The following MINK1 variants were observed in gnomAD, a reference collection of about 807,000 sequenced individuals.
The protein encoded by MINK1 is misshapen like kinase 1.
A neutral mutation model predicts 178.4 loss-of-function variants in MINK1; 46 were observed. The ratio of observed to expected loss-of-function variants is 0.26; its 90% confidence interval spans 0.20 to 0.33. The LOEUF (loss-of-function observed/expected upper bound fraction) is 0.33. Ranked by LOEUF, MINK1 falls within the 10% of genes least tolerant of loss-of-function variation. The pLI is 1.00. For synonymous variants in MINK1, 797 were observed against 709.7 expected (o/e 1.12, Z -1.96); for missense variants, 1,366 against 1,814.9 (o/e 0.75, Z 4.49).
intron 19 of MINK1, 87 bp downstream of exon 19, chr17:4,892,855 C>T (rs1263211118): frequency 5.0e-6 from 7 of 1,406,706 alleles, no homozygotes; most frequent in East Asian, 2.5e-5. Flanking sequence ...GACTGGGGCA[C>T]CCACACGGAC....
At position 4,892,558 on chromosome 17, in the gene MINK1, AC is replaced by A. The variant is rs779038403; in HGVS notation, c.2198+49del. 3 of 1,541,756 alleles carry A rather than the reference AC, an allele frequency of 1.9e-6. No individual in the cohort carries two copies. In the Admixed American group the frequency reaches 5.3e-5, roughly 27 times the overall value. On this transcript the variant is annotated intron_variant, in intron 18 of 31. Transcript: ENST00000355280. ...CTCACTCTCACCTCTCACTTCTGCC[AC>A]CCGCTTCCCTGGTGATGGCTCCCTC...
At chr17:4,882,953 T>C (rs1283842171) in intron 4 of MINK1, 2 of 151,882 alleles carry the variant, frequency 1.3e-5, no homozygotes, top group Non-Finnish European at 1.5e-5. Flanking sequence ...ACACCTCGTC[T>C]CTACTGAAAA....
chr17:4,883,698 CTTTT>C (rs35648380), intron 4 of MINK1, among the ~76,000 whole-genome samples: 4 of 123,042 alleles, frequency 3.3e-5, no homozygotes, highest in East Asian at 2.4e-4. Context: ...CGCCCGGCTA[CTTTT>C]TTTTTTTTTT....
In MINK1 at chr17:4,896,886, G is replaced by C; in HGVS notation, c.3915+73G>C. On this transcript the variant is annotated intron_variant, in intron 31 of 31. Transcript: ENST00000355280. The surrounding 1 kb of genome is among the most constrained non-coding windows in gnomAD (Gnocchi z 4.6). ...ACCCTAGGCCCCTGGGCAGAGTTCT[G>C]GGGAGAGGATGGTGGTGGTGGCTTC... 1.4e-6 allele frequency: 2 copies of C among 1,465,946 alleles called. No homozygotes were observed. The highest frequency in any genetic ancestry group is 9.0e-7 in the Non-Finnish European group (1 of 1,110,002). 90.8% of individuals were successfully genotyped at this position (1,465,946 alleles called of 1,614,324 possible). A position where few individuals can be genotyped will look rare whatever the true frequency, so the allele number is the denominator to read the frequency against.
intron 21 of MINK1, 92 bp downstream of exon 21, chr17:4,893,689 T>G (rs1969116474): frequency 6.9e-7 from 1 of 1,439,924 alleles, no homozygotes; most frequent in Admixed American, 2.8e-5. Context: ...GGGGCAAGTC[T>G]GAGGGAGAGC....
In MINK1 at chr17:4,884,413, C is replaced by T. The variant is rs1380239206; in HGVS notation, c.357C>T (p.Asn119=). Residue 119 remains asparagine, a synonymous_variant, in exon 5 of 32, where the codon AAC becomes AAT. Transcript: ENST00000355280. ...GTTCAGTGACTGACCTGGTAAAGAA[C>T]ACAAAAGGCAACGCCCTGAAGGAGG... ...GAGSVTDLVK[N]TKGNALKEDC... 1 of 1,613,950 alleles carries T rather than the reference C, an allele frequency of 6.2e-7. No homozygotes were observed. Among genetic ancestry groups the T allele is most frequent in the Non-Finnish European group, 8.5e-7 (1 of 1,179,874 alleles).
rs1248887254 is a variant in MINK1, at chr17:4,891,565, A to G, written c.1850A>G (p.His617Arg). The change falls in exon 16 of 32, where the codon CAT becomes CGT. Residue 617 changes from histidine to arginine, a missense_variant. Transcript: ENST00000355280. ...TRNLAAFPASHDPDPAIPAPT... is the reference protein window; with the variant it reads ...TRNLAAFPASRDPDPAIPAPT... ...AACCTGGCTGCCTTCCCAGCCTCCC[A>G]TGACCCCGACCCTGCCATCCCCGCA... The G allele has an allele frequency of 2.5e-6, 4 of 1,607,446 alleles. No individual in the cohort carries two copies. In the African/African-American group the frequency reaches 4.0e-5, roughly 16 times the overall value.
chr17:4,887,570 C>T lies in MINK1; in HGVS notation c.1020-10C>T. The T allele has an allele frequency of 6.7e-7, 1 of 1,503,176 alleles. No individual in the cohort carries two copies. The highest frequency in any genetic ancestry group is 8.9e-7 in the Non-Finnish European group (1 of 1,126,500). 93.1% of individuals were successfully genotyped at this position (1,503,176 alleles called of 1,614,324 possible). Reference sequence around the variant, plus strand: ...TGACCCCAGTGCTTCTTTGTGCCACCCCTGCCCAGCTCCATCATGAACGTG... The same window carrying T: ...TGACCCCAGTGCTTCTTTGTGCCACTCCTGCCCAGCTCCATCATGAACGTG... On this transcript the variant is annotated splice_polypyrimidine_tract_variant and intron_variant, in intron 11 of 31. Transcript: ENST00000355280. The surrounding 1 kb of genome is among the most constrained non-coding windows in gnomAD (Gnocchi z 7.6).
At chr17:4,872,783 A>G (rs1205054254) in intron 1 of MINK1, among the ~76,000 whole-genome samples, 2 of 152,074 alleles carry the variant, frequency 1.3e-5, no homozygotes, top group Non-Finnish European at 2.9e-5. Context: ...CAAAAGAAAA[A>G]TCAACTCCTC....
rs138211036 is a variant in MINK1 at position 4,846,385 on chromosome 17, C to G, written c.57+12745C>G. Among the ~76,000 whole-genome samples, 15 of 152,276 alleles carry G rather than the reference C, an allele frequency of 9.9e-5. No individual in the cohort carries two copies. In the East Asian group the frequency reaches 2.7e-3, roughly 27 times the overall value. ...CAGGAACTGCCCAATACCGAATGGC[C>G]CTTCTCACCACAATTCCTCTTACTG... On this transcript the variant is annotated intron_variant, in intron 1 of 31. Transcript: ENST00000355280.
intron 31 of MINK1, 154 bp from the exon 32 acceptor site, chr17:4,897,050 C>G (rs550003462): frequency 2.3e-5 from 20 of 871,828 alleles, no homozygotes; most frequent in Middle Eastern, 4.5e-4. Flanking sequence ...CCCAGCCTGC[C>G]TTTCCTCCGG....
In MINK1 at chr17:4,894,742, T is replaced by C; in HGVS notation, c.2917+109T>C. The C allele has an allele frequency of 1.2e-6, 1 of 864,594 alleles. No homozygotes were observed. The highest frequency in any genetic ancestry group is 2.7e-4 in the Middle Eastern group (1 of 3,734). The allele number at this position is 864,594 out of a possible 1,614,324, so 53.6% of individuals were successfully genotyped here. The stretch of plus-strand genomic sequence containing the variant: ...TCACAAAGCATAGCCACAGGACCTC[T>C]CCCTTGGGCCCTAGCACCTGCCTGG... On this transcript the variant is annotated intron_variant, in intron 24 of 31. Coordinates refer to ENST00000355280, the MANE Select transcript of MINK1 (RefSeq NM_153827.5). The surrounding 1 kb of genome is among the most constrained non-coding windows in gnomAD (Gnocchi z 4.1).
At chr17:4,849,193 A>T (rs1243150232) in intron 1 of MINK1, among the ~76,000 whole-genome samples, 3 of 152,140 alleles carry the variant, frequency 2.0e-5, no homozygotes, top group Non-Finnish European at 4.4e-5. Context: ...GTAACTTCAA[A>T]ATCTTCTATC....
intron 1 of MINK1, among the ~76,000 whole-genome samples, chr17:4,841,735 G>T (rs1262917115): frequency 6.6e-6 from 1 of 152,018 alleles, no homozygotes; most frequent in East Asian, 1.9e-4. Flanking sequence ...GAAATTACTT[G>T]GTAAGAGACA....
rs1224657736 is a variant in MINK1, at chr17:4,896,926, C to G, written c.3915+113C>G. Reference sequence around the variant, plus strand: ...GTGGTGGCTTCCTGAAAGCGGGCCCCTCTGGGAGCTCAGAGGGCAGTCAGC... The same window carrying G: ...GTGGTGGCTTCCTGAAAGCGGGCCCGTCTGGGAGCTCAGAGGGCAGTCAGC... On this transcript the variant is annotated intron_variant, in intron 31 of 31. Coordinates refer to ENST00000355280, the MANE Select transcript of MINK1 (RefSeq NM_153827.5). The surrounding 1 kb of genome is among the most constrained non-coding windows in gnomAD (Gnocchi z 4.6). The G allele has an allele frequency of 7.2e-7, 1 of 1,382,518 alleles. No homozygotes were observed. The highest frequency in any genetic ancestry group is 9.6e-7 in the Non-Finnish European group (1 of 1,039,324). The allele number at this position is 1,382,518 out of a possible 1,614,324, so 85.6% of individuals were successfully genotyped here.
At chr17:4,838,039 G>A (rs185541763) in intron 1 of MINK1, among the ~76,000 whole-genome samples, 8 of 152,290 alleles carry the variant, frequency 5.3e-5, no homozygotes, top group Admixed American at 5.2e-4. Context: ...TCTGTGTTCT[G>A]ATGTGCTAGC....
chr17:4,847,217 A>G (rs1911178741), intron 1 of MINK1: 1 of 473,298 alleles, frequency 2.1e-6, no homozygotes, highest in African/African-American at 2.0e-5. Flanking sequence ...ACCTGGTTCT[A>G]GTTTTGGTTC....
Position 4,889,610 on chromosome 17 carries a change from C to T in MINK1, c.1231-37C>T, listed in dbSNP as rs780931540. Reference sequence around the variant, plus strand: ...GGAGGGGCAGTGCTGACGCGATGTCCGGTATGGTTCTTAAGACCACCTGGC... The same window carrying T: ...GGAGGGGCAGTGCTGACGCGATGTCTGGTATGGTTCTTAAGACCACCTGGC... On this transcript the variant is annotated intron_variant, in intron 12 of 31. Transcript: ENST00000355280. 3 of 1,524,054 alleles carry T rather than the reference C, an allele frequency of 2.0e-6. No homozygotes were observed. The East Asian group carries it at 7.3e-5, about 37-fold the overall frequency. The allele number at this position is 1,524,054 out of a possible 1,614,324, so 94.4% of individuals were successfully genotyped here.
chr17:4,871,381 G>A (rs993245055), intron 1 of MINK1, among the ~76,000 whole-genome samples: 1 of 151,506 alleles, frequency 6.6e-6, no homozygotes, highest in Admixed American at 6.6e-5. Context: ...TTGTAGAGAT[G>A]TGGTCTTATT....
Sources: gnomAD v4.1 joint callset for allele counts (sites outside exome capture counted in the v4.1 genomes callset) on GRCh38, gnomAD v4.1.1 for gene constraint, Gnocchi (gnomAD v3.1) non-coding constraint, MANE v1.5 for transcripts, NCBI Gene and HGNC (gene_info 2026-07-23, HGNC 2026-07-21) for gene names.